The following WWC2 variants were observed in gnomAD, a reference collection of about 807,000 sequenced individuals.
WWC2 encodes WW and C2 domain containing 2.
WWC2 carries 101 observed loss-of-function variants against 138.5 expected under a neutral mutation model. That is an observed-to-expected ratio of 0.73 (90% CI 0.62 to 0.86). The LOEUF is 0.86. Among genes scored for constraint, WWC2 ranks in the 40% least tolerant of loss-of-function variants. WWC2 has a pLI of 0.00. For synonymous variants in WWC2, 558 were observed against 538.4 expected (o/e 1.04, Z -0.50); for missense variants, 1,420 against 1,419.4 (o/e 1.00, Z -0.01).
rs183067193 is a variant in WWC2, at chr4:183,292,129, G to A, written c.3384+2494G>A. Among the ~76,000 whole-genome samples, 612 of 152,258 alleles carry A rather than the reference G, an allele frequency of 4.0e-3. 4 individuals carry two copies. The highest frequency in any genetic ancestry group is 7.1e-3 in the Non-Finnish European group (485 of 68,016). On this transcript the variant is annotated intron_variant, in intron 21 of 22. Coordinates refer to ENST00000403733, the MANE Select transcript of WWC2 (RefSeq NM_024949.6). ...GAGGATCACTTTAGCCCAGGAGGTA[G>A]AGGCTGCAGTGAGCTGTGATTGCAC...
intron 1 of WWC2, among the ~76,000 whole-genome samples, chr4:183,159,501 C>A (rs1733897542): frequency 6.6e-6 from 1 of 152,076 alleles, no homozygotes; most frequent in African/African-American, 2.4e-5. Flanking sequence ...ACTTCCCGAA[C>A]TCAGGTGATA....
rs1444449343 is a variant in WWC2 at position 183,265,908 on chromosome 4, C to G, written c.2164C>G (p.Leu722Val). Residue 722 changes from leucine to valine, a missense_variant, in exon 14 of 23, where the codon CTC (leucine) becomes GTC (valine). Coordinates refer to ENST00000403733, the MANE Select transcript of WWC2 (RefSeq NM_024949.6). ...SSSFMVIIAQ[L>V]RNLHAFLIPH... Reference sequence around the variant, plus strand: ...AAGTTTCATGGTGATTATAGCACAGCTCCGAAACCTTCATGCCTTCTTGAT... The same window carrying G: ...AAGTTTCATGGTGATTATAGCACAGGTCCGAAACCTTCATGCCTTCTTGAT... 1 of 1,613,450 alleles carries G rather than the reference C, an allele frequency of 6.2e-7. No individual in the cohort carries two copies. Among genetic ancestry groups the G allele is most frequent in the Non-Finnish European group, 8.5e-7 (1 of 1,179,708 alleles).
intron 9 of WWC2, among the ~76,000 whole-genome samples, 173 bp downstream of exon 9, chr4:183,254,172 G>A (rs1737069717): frequency 6.6e-6 from 1 of 152,170 alleles, no homozygotes; most frequent in Non-Finnish European, 1.5e-5. Flanking sequence ...TGCCCGACAG[G>A]ATAAGTTCTG....
chr4:183,258,521 A>G (rs746219943), intron 9 of WWC2, among the ~76,000 whole-genome samples: 1 of 152,154 alleles, frequency 6.6e-6, no homozygotes, highest in Non-Finnish European at 1.5e-5. Context: ...AGGAAATTTT[A>G]TTTTTCTCCA....
intron 1 of WWC2, among the ~76,000 whole-genome samples, chr4:183,123,636 G>A (rs1033678628): frequency 6.6e-6 from 1 of 151,968 alleles, no homozygotes; most frequent in African/African-American, 2.4e-5. Context: ...GGCAAATATA[G>A]CATAATATCA....
chr4:183,186,020 T>G (rs1325923668), intron 1 of WWC2, among the ~76,000 whole-genome samples: 1 of 148,972 alleles, frequency 6.7e-6, no homozygotes, highest in Non-Finnish European at 1.5e-5. Context: ...CAACCTCGGC[T>G]CACTGCAAGC....
At chr4:183,276,127 A>C (rs2111391778) in intron 16 of WWC2, among the ~76,000 whole-genome samples, 1 of 152,168 alleles carries the variant, frequency 6.6e-6, no homozygotes, top group East Asian at 1.9e-4. Context: ...GTGTTAGTAA[A>C]GCTACATATC....
intron 22 of WWC2, among the ~76,000 whole-genome samples, chr4:183,314,000 A>C (rs1205901802): frequency 1.3e-5 from 2 of 152,018 alleles, no homozygotes; most frequent in East Asian, 3.9e-4. Flanking sequence ...AGCCCAGAAG[A>C]AGCGAGTGTT....
At chr4:183,203,841 T>A (rs1049119674) in intron 2 of WWC2, among the ~76,000 whole-genome samples, 3 of 152,164 alleles carry the variant, frequency 2.0e-5, no homozygotes, top group African/African-American at 7.2e-5. Flanking sequence ...GAGCGATTCT[T>A]CCTCTCATTT....
At chr4:183,239,246 C>G (rs541412316) in intron 4 of WWC2, among the ~76,000 whole-genome samples, 3 of 151,970 alleles carry the variant, frequency 2.0e-5, no homozygotes, top group Admixed American at 2.0e-4. Context: ...ACCCGGGAGG[C>G]GGAGTTGCAG....
rs1378870991 is a variant in WWC2 at position 183,318,822 on chromosome 4, T to C, written c.*3093T>C. 2 of 152,232 alleles carry C rather than the reference T, an allele frequency of 1.3e-5. No individual in the cohort carries two copies. The highest frequency in any genetic ancestry group is 1.5e-5 in the Non-Finnish European group (1 of 68,068). The allele number at this position is 152,232 out of a possible 1,614,324, so 9.4% of individuals were successfully genotyped here. On this transcript the variant is annotated 3_prime_UTR_variant, in exon 23 of 23. Transcript: ENST00000403733. ...GAGAGGCAGCCGTCCCAGGAGGTTATCTACCCACACACCCCAGTCCTGCCC... is the reference window on the plus strand; with the variant it reads ...GAGAGGCAGCCGTCCCAGGAGGTTACCTACCCACACACCCCAGTCCTGCCC...
chr4:183,215,297 C>T (rs952328101), intron 4 of WWC2, among the ~76,000 whole-genome samples: 4 of 152,014 alleles, frequency 2.6e-5, no homozygotes, highest in Non-Finnish European at 4.4e-5. Flanking sequence ...ATTTTTGGAC[C>T]GCAGTTGACT....
chr4:183,311,162 A>T (rs1168148543), intron 21 of WWC2, among the ~76,000 whole-genome samples: 2 of 152,232 alleles, frequency 1.3e-5, no homozygotes, highest in Non-Finnish European at 2.9e-5. Context: ...AATGAATATG[A>T]GTGAAATAAT....
At chr4:183,281,153 C>T (rs62356745) in intron 17 of WWC2, 1 of 440,084 alleles carries the variant, frequency 2.3e-6, no homozygotes, top group Non-Finnish European at 3.8e-6. Context: ...ATTTTCTGAG[C>T]CTTTTTTTTT....
intron 2 of WWC2, among the ~76,000 whole-genome samples, chr4:183,206,804 A>C (rs1464750989): frequency 6.6e-6 from 1 of 152,198 alleles, no homozygotes; most frequent in African/African-American, 2.4e-5. Context: ...ATGGTATCCC[A>C]ATGCTGGACA....
chr4:183,114,420 A>G (rs776656818), intron 1 of WWC2, among the ~76,000 whole-genome samples: 1 of 152,208 alleles, frequency 6.6e-6, no homozygotes, highest in Non-Finnish European at 1.5e-5. Context: ...TGAGACCCCT[A>G]TGAAGACATA....
chr4:183,204,846 A>T (rs925273486), intron 2 of WWC2, among the ~76,000 whole-genome samples: 8 of 152,206 alleles, frequency 5.3e-5, no homozygotes, highest in African/African-American at 1.9e-4. Flanking sequence ...CGAATTTCAT[A>T]TAAATGGAAT....
intron 1 of WWC2, among the ~76,000 whole-genome samples, chr4:183,149,251 T>A (rs1008132542): frequency 6.6e-6 from 1 of 152,212 alleles, no homozygotes; most frequent in African/African-American, 2.4e-5. Flanking sequence ...TTTATGGCAA[T>A]CATTTCCTTG....
At chr4:183,246,928 C>T (rs1158406830) in intron 6 of WWC2, among the ~76,000 whole-genome samples, 1 of 152,158 alleles carries the variant, frequency 6.6e-6, no homozygotes, top group East Asian at 1.9e-4. Context: ...TCTAATTCAA[C>T]AATTTTAGGT....
Sources: allele counts gnomAD v4.1 joint callset (sites outside exome capture counted in the v4.1 genomes callset), GRCh38; gene constraint gnomAD v4.1.1; transcripts MANE v1.5; gene names NCBI Gene and HGNC (gene_info 2026-07-23, HGNC 2026-07-21).